Variants in TRPM1 observed in about 807,000 individuals in gnomAD.
TRPM1 encodes the protein transient receptor potential cation channel subfamily M member 1.
TRPM1 carries 113 observed loss-of-function variants against 149.4 expected under a neutral mutation model. The ratio of observed to expected loss-of-function variants is 0.76; its 90% CI spans 0.65 to 0.88. The LOEUF (loss-of-function observed/expected upper bound fraction) is 0.88, where lower values mean the gene tolerates loss of function less well. Ranked by LOEUF, TRPM1 falls within the 40% of genes least tolerant of loss-of-function variation. The pLI is 0.00. For synonymous variants in TRPM1, 741 were observed against 759.5 expected (o/e 0.98, Z 0.40); for missense variants, 1,976 against 2,038.7 (o/e 0.97, Z 0.59).
At chr15:31,105,494 T>C (rs957758593), upstream of TRPM1, among the ~76,000 whole-genome samples, 9 of 152,034 alleles carry the variant, frequency 5.9e-5, no homozygotes, top group Non-Finnish European at 1.3e-4. Flanking sequence ...CGCGTGCATC[T>C]GTAAAGAAAA....
intron 23 of TRPM1, among the ~76,000 whole-genome samples, chr15:31,029,674 T>TA (rs368106732): frequency 6.6e-6 from 1 of 152,196 alleles, no homozygotes; most frequent in African/African-American, 2.4e-5. Context: ...GCTCACTAGT[T>TA]AAAAATACTG....
chr15:31,099,058 G>A (rs181740793), intron 1 of TRPM1, among the ~76,000 whole-genome samples: 2 of 152,224 alleles, frequency 1.3e-5, no homozygotes, highest in Non-Finnish European at 2.9e-5. Flanking sequence ...TTCTACAAGA[G>A]GCTGGGAAAA....
chr15:31,091,658 A>AC (rs921858287), intron 1 of TRPM1, among the ~76,000 whole-genome samples: 1 of 151,374 alleles, frequency 6.6e-6, no homozygotes, highest in Non-Finnish European at 1.5e-5. Flanking sequence ...GGGCGGGAGA[A>AC]CCCCCCAAAG....
intron 1 of TRPM1, among the ~76,000 whole-genome samples, chr15:31,106,807 G>T (rs2035613422): frequency 6.6e-6 from 1 of 152,160 alleles, no homozygotes; most frequent in Non-Finnish European, 1.5e-5. Flanking sequence ...AAGTGAGATT[G>T]CTGGGATTAA....
intron 6 of TRPM1, among the ~76,000 whole-genome samples, chr15:31,066,520 G>T (rs189585684): frequency 3.4e-4 from 52 of 152,314 alleles, no homozygotes; most frequent in African/African-American, 1.2e-3. Flanking sequence ...GCACTGGAAT[G>T]TTTATGGCTA....
At chr15:31,149,068 C>T (rs1219529032) in intron 1 of TRPM1, among the ~76,000 whole-genome samples, 1 of 152,192 alleles carries the variant, frequency 6.6e-6, no homozygotes, top group East Asian at 1.9e-4. Flanking sequence ...TGTGAGATGC[C>T]GTGACCAACC....
At chr15:31,105,134 G>A (rs2035585516), upstream of TRPM1, among the ~76,000 whole-genome samples, 1 of 152,144 alleles carries the variant, frequency 6.6e-6, no homozygotes, top group Non-Finnish European at 1.5e-5. Flanking sequence ...GAACATATTT[G>A]ATGCATTTAA....
At chr15:31,020,816 T>C (rs1166707510) in intron 27 of TRPM1, among the ~76,000 whole-genome samples, 2 of 152,202 alleles carry the variant, frequency 1.3e-5, no homozygotes, top group African/African-American at 4.8e-5. Context: ...TCTCTCTGTC[T>C]TGGTCTTCTG....
intron 27 of TRPM1, among the ~76,000 whole-genome samples, chr15:31,004,585 C>G (rs1005184364): frequency 8.5e-5 from 13 of 152,080 alleles, no homozygotes. Context: ...GAAACCACAT[C>G]ATTTGAGCAG....
intron 1 of TRPM1, among the ~76,000 whole-genome samples, chr15:31,089,479 C>G (rs1044396174): frequency 3.9e-5 from 6 of 152,178 alleles, no homozygotes; most frequent in African/African-American, 1.4e-4. Context: ...AGTGCTGGCC[C>G]ACAACACTGC....
intron 1 of TRPM1, among the ~76,000 whole-genome samples, chr15:31,151,578 C>T (rs1450043762): frequency 6.6e-6 from 1 of 152,232 alleles, no homozygotes; most frequent in East Asian, 1.9e-4. Context: ...GCATGGGGTG[C>T]TCTGGCCAGG....
At chr15:31,099,758 G>C (rs1212657847) in intron 1 of TRPM1, among the ~76,000 whole-genome samples, 6 of 152,098 alleles carry the variant, frequency 3.9e-5, no homozygotes, top group Non-Finnish European at 7.4e-5. Context: ...GGGGAGGAGG[G>C]CTAAAAAATA....
intron 1 of TRPM1, among the ~76,000 whole-genome samples, chr15:31,133,902 A>C (rs1231014259): frequency 6.6e-6 from 1 of 152,130 alleles, no homozygotes; most frequent in African/African-American, 2.4e-5. Context: ...ACAAGTAGAT[A>C]ATCATATAGG....
At chr15:31,024,004 T>C (rs1391418782) in intron 27 of TRPM1, among the ~76,000 whole-genome samples, 1 of 152,092 alleles carries the variant, frequency 6.6e-6, no homozygotes, top group Non-Finnish European at 1.5e-5. Flanking sequence ...TGGAGGAGAA[T>C]GATTAATGGG....
chr15:31,018,922 C>T (rs976828955), intron 27 of TRPM1, among the ~76,000 whole-genome samples: 4 of 152,242 alleles, frequency 2.6e-5, no homozygotes, highest in Non-Finnish European at 4.4e-5. Context: ...TCCCAAAGTG[C>T]TGAGATTACA....
intron 1 of TRPM1, among the ~76,000 whole-genome samples, chr15:31,138,846 T>G (rs1325883679): frequency 1.3e-5 from 2 of 152,220 alleles, no homozygotes; most frequent in Non-Finnish European, 2.9e-5. Context: ...AAAATCTATT[T>G]TTAAGGGCGC....
At chr15:31,005,087 G>C (rs1265676668) in intron 27 of TRPM1, among the ~76,000 whole-genome samples, 3 of 123,376 alleles carry the variant, frequency 2.4e-5, no homozygotes, top group Non-Finnish European at 5.4e-5. Flanking sequence ...GGATGACAGA[G>C]CGAGACTCCA....
chr15:31,066,812 T>A (rs562512694), intron 6 of TRPM1, among the ~76,000 whole-genome samples: 1 of 152,160 alleles, frequency 6.6e-6, no homozygotes, highest in East Asian at 1.9e-4. Flanking sequence ...AGGAGTGAGG[T>A]ATATGTATAT....
At chr15:31,076,605 C>G (rs1326775612) in intron 3 of TRPM1, among the ~76,000 whole-genome samples, 1 of 152,134 alleles carries the variant, frequency 6.6e-6, no homozygotes, top group Non-Finnish European at 1.5e-5. Flanking sequence ...TGGAAAATAT[C>G]CTGGAAACCT....
Sources: allele counts gnomAD v4.1 joint callset (sites outside exome capture counted in the v4.1 genomes callset), GRCh38; gene constraint gnomAD v4.1.1; transcripts MANE v1.5; gene names NCBI Gene and HGNC (gene_info 2026-07-23, HGNC 2026-07-21).